The following SND1 variants were observed in gnomAD, a reference collection of about 807,000 sequenced individuals.
SND1 encodes the protein staphylococcal nuclease and tudor domain containing 1, also known as staphylococcal nuclease domain-containing protein 1.
Under a neutral mutation model 121.7 loss-of-function variants are expected in SND1, and 38 were observed. The observed-to-expected ratio is 0.31, with a 90% CI of 0.24 to 0.41. The LOEUF (loss-of-function observed/expected upper bound fraction) is 0.41, where lower values mean the gene tolerates loss of function less well. Among genes scored for constraint, SND1 ranks in the 10% least tolerant of loss-of-function variants. The probability of loss-of-function intolerance (pLI) is 1.00; values close to 1 mark genes in which losing one functional copy is unlikely to be tolerated. For missense variants in SND1, 868 were observed against 1,184.6 expected, an observed-to-expected ratio of 0.73 and a Z score of 3.92; for synonymous variants, 401 against 447.4, an observed-to-expected ratio of 0.90 and a Z score of 1.31.
At chr7:127,721,550 A>G (rs1240411089) in intron 10 of SND1, 150 bp downstream of exon 10, 4 of 530,170 alleles carry the variant, frequency 7.5e-6, no homozygotes, top group East Asian at 3.5e-5. Context: ...TCTAATATTT[A>G]TAGCCTGACT....
chr7:127,732,096 G>T (rs1266075521), intron 10 of SND1, among the ~76,000 whole-genome samples: 1 of 151,012 alleles, frequency 6.6e-6, no homozygotes, highest in Admixed American at 6.6e-5. Context: ...TGGAGACTTC[G>T]GCCCTTTTGG....
intron 14 of SND1, among the ~76,000 whole-genome samples, chr7:127,922,681 T>C (rs1346638395): frequency 6.6e-6 from 1 of 152,196 alleles, no homozygotes; most frequent in Non-Finnish European, 1.5e-5. Flanking sequence ...GCTTCCTTCT[T>C]CTAGTTGGGC....
chr7:127,684,369 TGCTGTATGTAGTTTG>T (rs1396486248), intron 1 of SND1, among the ~76,000 whole-genome samples: 1 of 152,230 alleles, frequency 6.6e-6, no homozygotes, highest in Admixed American at 6.5e-5. Context: ...CTGGTTTGTG[TGCTGTATGTAGTTTG>T]GCTGTCCTCA....
At chr7:127,811,447 T>C (rs531807838) in intron 11 of SND1, among the ~76,000 whole-genome samples, 13 of 152,318 alleles carry the variant, frequency 8.5e-5, no homozygotes, top group Admixed American at 8.5e-4. Flanking sequence ...TCCGGTGTTA[T>C]GGGAGTTACC....
At chr7:128,010,950 A>C (rs1368200751) in intron 16 of SND1, among the ~76,000 whole-genome samples, 1 of 152,202 alleles carries the variant, frequency 6.6e-6, no homozygotes, top group East Asian at 1.9e-4. Flanking sequence ...GGACGCCCTC[A>C]GCAGAGGTAT....
At chr7:127,660,782 T>C (rs909901091) in intron 1 of SND1, among the ~76,000 whole-genome samples, 2 of 152,218 alleles carry the variant, frequency 1.3e-5, no homozygotes, top group African/African-American at 4.8e-5. Context: ...TTATTTTTTA[T>C]GGTAAGCCTT....
chr7:127,709,053 GGTGAT>G (rs1367770517), intron 9 of SND1, among the ~76,000 whole-genome samples: 4 of 152,126 alleles, frequency 2.6e-5, no homozygotes, highest in African/African-American at 9.7e-5. Flanking sequence ...TCTTTTTGTA[GGTGAT>G]GTCCAGGCAG....
intron 6 of SND1, 61 bp downstream of exon 6, chr7:127,702,587 T>C: frequency 7.4e-7 from 1 of 1,350,198 alleles, no homozygotes; most frequent in Non-Finnish European, 1.1e-6. Flanking sequence ...AGTGATGGAT[T>C]CTTCTACTTG....
At chr7:127,895,314 T>C (rs1800096768) in intron 13 of SND1, among the ~76,000 whole-genome samples, 1 of 152,116 alleles carries the variant, frequency 6.6e-6, no homozygotes, top group South Asian at 2.1e-4. Flanking sequence ...ACCAGGGTAC[T>C]GTTGGATTTT....
At chr7:127,684,292 C>T (rs1214807015) in intron 1 of SND1, among the ~76,000 whole-genome samples, 3 of 152,120 alleles carry the variant, frequency 2.0e-5, no homozygotes, top group East Asian at 1.9e-4. Flanking sequence ...CCTGGGAATG[C>T]GTTATTACTT....
chr7:127,917,726 T>C (rs1016688964), intron 14 of SND1, among the ~76,000 whole-genome samples: 1 of 152,148 alleles, frequency 6.6e-6, no homozygotes, highest in Admixed American at 6.5e-5. Flanking sequence ...CGCAGCCACA[T>C]TAAACTCTTA....
intron 1 of SND1, among the ~76,000 whole-genome samples, chr7:127,669,551 C>A (rs549182968): frequency 1.3e-5 from 2 of 152,164 alleles, no homozygotes; most frequent in Admixed American, 1.3e-4. Context: ...GGTGTCCGAG[C>A]AAATTCTATC....
chr7:128,044,152 A>T (rs1792906049), intron 16 of SND1, among the ~76,000 whole-genome samples: 5 of 152,310 alleles, frequency 3.3e-5, no homozygotes, highest in African/African-American at 1.2e-4. Context: ...AAATGTTTCC[A>T]TTTGGCTGAA....
At chr7:127,849,126 G>A (rs571848225) in intron 12 of SND1, among the ~76,000 whole-genome samples, 1 of 152,154 alleles carries the variant, frequency 6.6e-6, no homozygotes, top group South Asian at 2.1e-4. Flanking sequence ...TTAGCTGATC[G>A]TTTTAGGCCT....
chr7:128,089,799 C>A, intron 22 of SND1, 107 bp downstream of exon 22: 4 of 1,007,298 alleles, frequency 4.0e-6, no homozygotes, highest in Admixed American at 2.3e-5. Flanking sequence ...TCCTGCTGTT[C>A]CTGCTGAGGA....
intron 9 of SND1, among the ~76,000 whole-genome samples, chr7:127,716,993 A>T (rs1206075009): frequency 6.6e-6 from 1 of 152,246 alleles, no homozygotes; most frequent in East Asian, 1.9e-4. Context: ...GTGTGCTGAT[A>T]AGAAAAAGAA....
chr7:127,793,191 A>G (rs539442842), intron 10 of SND1, among the ~76,000 whole-genome samples: 1 of 152,202 alleles, frequency 6.6e-6, no homozygotes, highest in Admixed American at 6.5e-5. Flanking sequence ...GTGAAAAGCC[A>G]GTGGGTAATC....
intron 16 of SND1, among the ~76,000 whole-genome samples, chr7:128,032,455 G>A (rs985741326): frequency 1.3e-5 from 2 of 151,714 alleles, no homozygotes; most frequent in African/African-American, 4.8e-5. Flanking sequence ...GCTATTTTGG[G>A]CCGGTCGGAG....
rs75773524 is a variant in SND1 at position 127,690,067 on chromosome 7, G to A, written c.228+3305G>A. ...TTCATCTCTGATAGAGTGCTTAGAT[G>A]TTGAAATAATAGTCTCTTTGCCCTC... is the stretch of plus-strand genomic sequence containing the variant. On this transcript the variant is annotated intron_variant, in intron 2 of 23. Coordinates refer to ENST00000354725, the MANE Select transcript of SND1 (RefSeq NM_014390.4). 2.2e-4 allele frequency among the ~76,000 whole-genome samples: 34 copies of A among 151,994 alleles called. No individual in the cohort carries two copies. The East Asian group carries it at 6.2e-3, about 28-fold the overall frequency.
Sources: allele counts gnomAD v4.1 joint callset (sites outside exome capture counted in the v4.1 genomes callset), GRCh38; gene constraint gnomAD v4.1.1; transcripts MANE v1.5; gene names NCBI Gene and HGNC (gene_info 2026-07-23, HGNC 2026-07-21).